The following DCAF8L2 variants were observed in gnomAD, a reference collection of about 807,000 sequenced individuals.
The protein encoded by DCAF8L2 is DDB1- and CUL4-associated factor 8-like protein 2.
For synonymous variants in DCAF8L2, 200 were observed against 190.9 expected (o/e 1.05, Z -0.39); for missense variants, 430 against 490.7 (o/e 0.88, Z 1.17).
chrX:27,670,945 C>T (rs947777119), intron 2 of DCAF8L2, among the ~76,000 whole-genome samples: 1 of 111,858 alleles, frequency 8.9e-6, no homozygotes, highest in Non-Finnish European at 1.9e-5. Context: ...GAACTGTGAG[C>T]CAAGTAAATC....
chrX:27,672,658 T>A (rs1394954298), intron 2 of DCAF8L2, among the ~76,000 whole-genome samples: 2 of 111,896 alleles, frequency 1.8e-5, no homozygotes, highest in Non-Finnish European at 3.8e-5. Context: ...CCTTCACCTA[T>A]AGCAGGAATA....
At chrX:27,691,311 A>G (rs1208324863) in intron 3 of DCAF8L2, among the ~76,000 whole-genome samples, 1 of 111,795 alleles carries the variant, frequency 8.9e-6, no homozygotes, top group African/African-American at 3.2e-5. Context: ...TAAGAGAAAT[A>G]TAGATGAGAG....
At chrX:27,710,149 C>T (rs1165202402) in intron 3 of DCAF8L2, among the ~76,000 whole-genome samples, 1 of 111,407 alleles carries the variant, frequency 9.0e-6, no homozygotes, top group Non-Finnish European at 1.9e-5. Flanking sequence ...GTTTCATTGA[C>T]TATGTGCCTA....
At chrX:27,512,800 A>AAAAC in the DCAF8L2 span, among the ~76,000 whole-genome samples, 11 of 98,426 alleles carry the variant, frequency 1.1e-4, no homozygotes, top group East Asian at 6.1e-4. Flanking sequence ...AAAAAAAAAA[A>AAAAC]AAAAAAAAAA....
intron 1 of DCAF8L2, among the ~76,000 whole-genome samples, chrX:27,629,001 C>T (rs1158004924): frequency 9.0e-6 from 1 of 111,636 alleles, no homozygotes; most frequent in Non-Finnish European, 1.9e-5. Context: ...TGCCTGTTGG[C>T]CATCTGTATG....
In DCAF8L2 at chrX:27,611,592, CGT is replaced by C. The variant is rs1555918448; in HGVS notation, c.-341-20286_-341-20285del. Reference sequence around the variant, plus strand: ...ATTTCTCCTCATGCTATCCTTCCCCCGTCCCCCCACCCCACGACAGGCCCCGG... The same window carrying C: ...ATTTCTCCTCATGCTATCCTTCCCCCCCCCCCACCCCACGACAGGCCCCGG... On this transcript the variant is annotated intron_variant, in intron 1 of 4. Coordinates refer to ENST00000451261, the MANE Select transcript of DCAF8L2 (RefSeq NM_001353450.2). 2.3e-4 allele frequency among the ~76,000 whole-genome samples: 25 copies of C among 109,505 alleles called. 1 individual carries two copies. The South Asian group carries it at 9.4e-3, about 41-fold the overall frequency.
At chrX:27,539,664 A>C in the DCAF8L2 span, among the ~76,000 whole-genome samples, 1 of 111,461 alleles carries the variant, frequency 9.0e-6, no homozygotes, top group African/African-American at 3.3e-5. Flanking sequence ...GTCTGTGTGT[A>C]TGCACACAGA....
intron 2 of DCAF8L2, among the ~76,000 whole-genome samples, chrX:27,670,642 G>GT (rs1471179361): frequency 9.0e-6 from 1 of 111,378 alleles, no homozygotes; most frequent in East Asian, 2.8e-4. Flanking sequence ...GCCCCAACAA[G>GT]TCTTATGTTG....
intron 4 of DCAF8L2, among the ~76,000 whole-genome samples, chrX:27,719,728 A>AG (rs1410368308): frequency 8.9e-6 from 1 of 111,746 alleles, no homozygotes; most frequent in Non-Finnish European, 1.9e-5. Context: ...AACAGGCGTG[A>AG]GCCACTGTGC....
At chrX:27,615,537 A>T (rs191522723) in intron 1 of DCAF8L2, among the ~76,000 whole-genome samples, 3 of 107,889 alleles carry the variant, frequency 2.8e-5, no homozygotes, top group East Asian at 5.6e-4. Flanking sequence ...CTATCTATCT[A>T]TCTATCTATC....
At chrX:27,512,801 A>AACAC in the DCAF8L2 span, among the ~76,000 whole-genome samples, 49 of 88,651 alleles carry the variant, frequency 5.5e-4, no homozygotes, top group African/African-American at 2.2e-3. Context: ...AAAAAAAAAA[A>AACAC]AAAAAAAAAC....
the DCAF8L2 span, among the ~76,000 whole-genome samples, chrX:27,475,866 G>T: frequency 1.8e-5 from 2 of 111,494 alleles, no homozygotes; most frequent in Admixed American, 9.6e-5. Flanking sequence ...GTGAGTATTT[G>T]TTGACTACTT....
At chrX:27,734,078 T>C (rs921829065) in intron 4 of DCAF8L2, among the ~76,000 whole-genome samples, 1 of 111,157 alleles carries the variant, frequency 9.0e-6, no homozygotes, top group African/African-American at 3.3e-5. Context: ...ACAGTTAACA[T>C]AATAATCAAG....
intron 1 of DCAF8L2, among the ~76,000 whole-genome samples, chrX:27,631,035 G>T (rs1928265344): frequency 1.8e-5 from 2 of 111,697 alleles, no homozygotes; most frequent in African/African-American, 6.5e-5. Context: ...TTGGGGAGTG[G>T]AGGACACAAA....
the DCAF8L2 span, among the ~76,000 whole-genome samples, chrX:27,514,201 T>A: frequency 1.3e-5 from 1 of 79,104 alleles, no homozygotes; most frequent in African/African-American, 6.3e-5. Flanking sequence ...CACACATATG[T>A]ACATGTATGT....
intron 2 of DCAF8L2, among the ~76,000 whole-genome samples, chrX:27,661,580 T>C (rs753062859): frequency 8.9e-6 from 1 of 112,122 alleles, no homozygotes; most frequent in Admixed American, 9.5e-5. Context: ...AGGGGATTAA[T>C]ATATGCTTGT....
At chrX:27,716,065 A>G (rs769895054) in intron 3 of DCAF8L2, 23 bp from the exon 4 acceptor site, 48 of 112,307 alleles carry the variant, frequency 4.3e-4, no homozygotes, top group African/African-American at 1.5e-3. Context: ...CTTGCACTAA[A>G]ACAATTTATT....
At chrX:27,662,343 T>C (rs1053694266) in intron 2 of DCAF8L2, among the ~76,000 whole-genome samples, 7 of 111,579 alleles carry the variant, frequency 6.3e-5, no homozygotes, top group Non-Finnish European at 1.1e-4. Flanking sequence ...TATGCACACA[T>C]ATAAAAGAAA....
At chrX:27,548,664 A>G in the DCAF8L2 span, among the ~76,000 whole-genome samples, 2 of 112,010 alleles carry the variant, frequency 1.8e-5, no homozygotes, top group South Asian at 3.7e-4. Context: ...TTTTCCATAC[A>G]AAGGTCAACA....
Sources: gnomAD v4.1 joint callset for allele counts (sites outside exome capture counted in the v4.1 genomes callset) on GRCh38, gnomAD v4.1.1 for gene constraint, MANE v1.5 for transcripts, NCBI Gene and HGNC (gene_info 2026-07-23, HGNC 2026-07-21) for gene names.